The following MEAF6 variants were observed in gnomAD, a reference collection of about 807,000 sequenced individuals.
MEAF6 encodes chromatin modification-related protein MEAF6.
Under a neutral mutation model 28.9 loss-of-function variants are expected in MEAF6, and 15 were observed. The ratio of observed to expected loss-of-function variants is 0.52; its 90% CI spans 0.35 to 0.80. The LOEUF is 0.80. Ranked by LOEUF, MEAF6 falls within the 30% of genes least tolerant of loss-of-function variation. The pLI, the probability that MEAF6 is intolerant of heterozygous loss-of-function variation, is 0.01. For missense variants in MEAF6, 178 were observed against 237.5 expected, an observed-to-expected ratio of 0.75 and a Z score of 1.65; for synonymous variants, 97 against 88.7, an observed-to-expected ratio of 1.09 and a Z score of -0.53.
rs1557615068 is a variant in MEAF6 at position 37,514,544 on chromosome 1, C to CCGCCG, written c.90+108_90+112dup. 3.9e-5 allele frequency: 29 copies of CCGCCG among 742,756 alleles called. No homozygotes were observed. In the East Asian group the frequency reaches 7.6e-4, roughly 19 times the overall value. The allele number at this position is 742,756 out of a possible 1,614,324, so 46.0% of individuals were successfully genotyped here. ...GGCCTCAGGCCGCCGAGCACCCGGC[C>CCGCCG]CGCCGCGCCGCGCCCCCGGAGTAAC... On this transcript the variant is annotated intron_variant, in intron 1 of 6. Transcript: ENST00000296214.
Position 37,493,613 on chromosome 1 carries a change from A to C in MEAF6, c.*486T>G. 1.4e-6 allele frequency: 1 copy of C among 727,242 alleles called. No homozygotes were observed. The highest frequency in any genetic ancestry group is 1.7e-5 in the South Asian group (1 of 58,282). 45.0% of individuals were successfully genotyped at this position (727,242 alleles called of 1,614,324 possible). A position where few individuals can be genotyped will look rare whatever the true frequency, so the allele number is the denominator to read the frequency against. On this transcript the variant is annotated 3_prime_UTR_variant, in exon 7 of 7. Coordinates refer to ENST00000296214, the MANE Select transcript of MEAF6 (RefSeq NM_001270875.3). ...TGAGCTGTACAAAGGCATTACAAAA[A>C]AACCCCAAAGAAAATAAGATAAAAA...
chr1:37,514,615 C>A (rs780829858), intron 1 of MEAF6, 42 bp downstream of exon 1: 1 of 1,420,164 alleles, frequency 7.0e-7, no homozygotes, highest in Non-Finnish European at 9.3e-7. Context: ...GCGGGGCGGG[C>A]GCGGAGCCCC....
At chr1:37,513,910 T>C (rs1450943075) in intron 1 of MEAF6, 1 of 272,654 alleles carries the variant, frequency 3.7e-6, no homozygotes, top group African/African-American at 2.2e-5. Context: ...TGAGCAGCCT[T>C]TCAGCGTCAA....
intron 6 of MEAF6, among the ~76,000 whole-genome samples, chr1:37,494,334 T>C (rs1176064747): frequency 6.6e-6 from 1 of 150,990 alleles, no homozygotes; most frequent in Non-Finnish European, 1.5e-5. Context: ...GCCAGCATAG[T>C]GAAACCCCGT....
intron 2 of MEAF6, among the ~76,000 whole-genome samples, chr1:37,512,451 G>C (rs1569991635): frequency 6.6e-6 from 1 of 152,236 alleles, no homozygotes; most frequent in East Asian, 1.9e-4. Context: ...AACAATTTGT[G>C]AATATAGGTA....
At chr1:37,511,384 G>C (rs1642665584) in intron 2 of MEAF6, among the ~76,000 whole-genome samples, 1 of 152,198 alleles carries the variant, frequency 6.6e-6, no homozygotes, top group Non-Finnish European at 1.5e-5. Context: ...AATACAATTA[G>C]AGAATCACTA....
chr1:37,512,406 T>C lies in MEAF6; in HGVS notation c.206+1017A>G, dbSNP rs1219928824. On this transcript the variant is annotated intron_variant, in intron 2 of 6. Coordinates refer to ENST00000296214, the MANE Select transcript of MEAF6 (RefSeq NM_001270875.3). The stretch of plus-strand genomic sequence containing the variant: ...TGTGTGCTTATATTAATATATATTA[T>C]AGAAAGTAAGAGAAAGCAAATGTCA... Among the ~76,000 whole-genome samples the C allele has an allele frequency of 3.9e-5, 6 of 152,316 alleles. No individual in the cohort carries two copies. In the South Asian group the frequency reaches 6.2e-4, roughly 16 times the overall value.
chr1:37,493,737 A>C lies in MEAF6; in HGVS notation c.*362T>G, dbSNP rs542714132. On this transcript the variant is annotated 3_prime_UTR_variant, in exon 7 of 7. Coordinates refer to ENST00000296214, the MANE Select transcript of MEAF6 (RefSeq NM_001270875.3). ...TGACTTGTGTTCTACTTTCAGCATA[A>C]AACAAAACCAGAGAACATTTCTTGA... 4 of 1,519,790 alleles carry C rather than the reference A, an allele frequency of 2.6e-6. No homozygotes were observed. The African/African-American group carries it at 5.5e-5, about 21-fold the overall frequency. The allele number at this position is 1,519,790 out of a possible 1,614,324, so 94.1% of individuals were successfully genotyped here.
chr1:37,513,294 A>T, intron 2 of MEAF6, 129 bp downstream of exon 2: 1 of 670,854 alleles, frequency 1.5e-6, no homozygotes. Flanking sequence ...GCCAGAGTCC[A>T]AGAGTTCAAG....
intron 5 of MEAF6, among the ~76,000 whole-genome samples, chr1:37,498,721 G>C (rs177347): frequency 0.19 from 29,177 of 151,820 alleles, 3,333 homozygotes; most frequent in East Asian, 0.33. Context: ...ATGAGCCACA[G>C]CACCTGGCCA....
chr1:37,508,241 T>C (rs565762921), intron 4 of MEAF6, among the ~76,000 whole-genome samples: 1 of 149,922 alleles, frequency 6.7e-6, no homozygotes, highest in South Asian at 2.1e-4. Flanking sequence ...CTTAAGAACA[T>C]ACAGGTACAT....
intron 2 of MEAF6, among the ~76,000 whole-genome samples, chr1:37,510,931 G>A (rs1642649830): frequency 6.6e-6 from 1 of 151,822 alleles, no homozygotes; most frequent in African/African-American, 2.4e-5. Flanking sequence ...TGTTGGTCAG[G>A]CTAGTCTTGA....
Position 37,491,446 on chromosome 1 carries a change from TG to T in MEAF6, c.*2652del, listed in dbSNP as rs1641925831. Among the ~76,000 whole-genome samples the T allele has an allele frequency of 1.3e-5, 2 of 152,172 alleles. No individual in the cohort carries two copies. Among genetic ancestry groups the T allele is most frequent in the Non-Finnish European group, 2.9e-5 (2 of 68,018 alleles). On this transcript the variant is annotated 3_prime_UTR_variant, in exon 7 of 7. Coordinates refer to ENST00000296214, the MANE Select transcript of MEAF6 (RefSeq NM_001270875.3). The stretch of plus-strand genomic sequence containing the variant: ...CTTGATACCTATAATCCCAGCACTT[TG>T]GGAGGCCAAGGCAGAAGGACTGCTT...
chr1:37,514,158 C>A (rs138593783), intron 1 of MEAF6: 1,907 of 158,792 alleles, frequency 0.012, 50 homozygotes, highest in African/African-American at 0.044. Flanking sequence ...TTCCCAAACA[C>A]ATCACAACCC....
intron 2 of MEAF6, among the ~76,000 whole-genome samples, chr1:37,511,704 C>G (rs1045058701): frequency 5.9e-5 from 9 of 152,124 alleles, no homozygotes; most frequent in South Asian, 2.1e-4. Flanking sequence ...TCTTTCAGGA[C>G]CCTTTTAATC....
At chr1:37,498,070 G>A (rs575705105) in intron 5 of MEAF6, among the ~76,000 whole-genome samples, 8 of 152,136 alleles carry the variant, frequency 5.3e-5, no homozygotes, top group African/African-American at 9.7e-5. Context: ...CTCCTTCACC[G>A]GCTCCAACAC....
intron 4 of MEAF6, among the ~76,000 whole-genome samples, chr1:37,503,152 G>C (rs1045878350): frequency 6.6e-6 from 1 of 151,826 alleles, no homozygotes; most frequent in Admixed American, 6.6e-5. Flanking sequence ...GCCCAGGCTG[G>C]TCTCAAACTC....
In MEAF6 at chr1:37,509,275, T is replaced by C; in HGVS notation, c.340+3A>G. 6.2e-7 allele frequency: 1 copy of C among 1,613,564 alleles called. No homozygotes were observed. Among genetic ancestry groups the C allele is most frequent in the South Asian group, 1.1e-5 (1 of 91,056 alleles). ...GATGAGAAACATAAAAACATCAACT[T>C]ACTCTTTTCAATGAGCTGGTCCTGA... On this transcript the variant is annotated splice_donor_region_variant and intron_variant, in intron 4 of 6. Coordinates refer to ENST00000296214, the MANE Select transcript of MEAF6 (RefSeq NM_001270875.3).
intron 6 of MEAF6, among the ~76,000 whole-genome samples, chr1:37,495,313 A>G (rs1462868838): frequency 1.3e-5 from 2 of 151,438 alleles, no homozygotes; most frequent in African/African-American, 4.9e-5. Context: ...CCTGGGCAAC[A>G]GAGCAAGACT....
Sources: gnomAD v4.1 joint callset for allele counts (sites outside exome capture counted in the v4.1 genomes callset) on GRCh38, gnomAD v4.1.1 for gene constraint, MANE v1.5 for transcripts, NCBI Gene and HGNC (gene_info 2026-07-23, HGNC 2026-07-21) for gene names.